Variants in TBC1D16 observed in about 807,000 individuals in gnomAD.
The protein encoded by TBC1D16 is TBC1 domain family member 16, also known as CTD-2529O21.1.
A neutral mutation model predicts 74.7 loss-of-function variants in TBC1D16; 58 were observed. The ratio of observed to expected loss-of-function variants is 0.78; its 90% CI spans 0.63 to 0.97. The LOEUF is 0.97. TBC1D16 is among the 50% of genes least tolerant of loss of function. The probability of loss-of-function intolerance (pLI) is 0.00; values close to 1 mark genes in which losing one functional copy is unlikely to be tolerated. For missense variants in TBC1D16, 1,014 were observed against 1,079.5 expected, an observed-to-expected ratio of 0.94 and a Z score of 0.85; for synonymous variants, 493 against 474.7, an observed-to-expected ratio of 1.04 and a Z score of -0.50.
At chr17:79,992,804 G>C (rs931903781) in intron 3 of TBC1D16, 1 of 152,336 alleles carries the variant, frequency 6.6e-6, no homozygotes, top group South Asian at 2.1e-4. Flanking sequence ...CCTACCTTGA[G>C]ACAGCTCTTT....
At position 79,975,729 on chromosome 17, in the gene TBC1D16, C is replaced by G. The variant is rs992208101; in HGVS notation, c.780-22911G>C. Among the ~76,000 whole-genome samples, 6 of 152,206 alleles carry G rather than the reference C, an allele frequency of 3.9e-5. No homozygotes were observed. The East Asian group carries it at 1.2e-3, about 29-fold the overall frequency. ...GGACCCCCAGCCAGCCCAAACCTGT[C>G]GCTGGCTGCCCACTAACGCTCCCAG... On this transcript the variant is annotated intron_variant, in intron 3 of 11. Coordinates refer to ENST00000310924, the MANE Select transcript of TBC1D16 (RefSeq NM_019020.4). This position sits in a 1 kb window ranked among gnomAD's most constrained non-coding sequence, Gnocchi z 4.5.
At position 79,942,091 on chromosome 17, in the gene TBC1D16, A is replaced by AT. The variant is rs748010890; in HGVS notation, c.2023dup (p.Met675AsnfsTer34). The AT allele has an allele frequency of 1.9e-6, 3 of 1,612,388 alleles. No individual in the cohort carries two copies. The South Asian group carries it at 3.3e-5, about 18-fold the overall frequency. ...GAGAACGAGCTCCCCGTTCATGTGCATGGCCAGGTTTCCGAAGTGCAGGAG... is the reference window on the plus strand; with the variant it reads ...GAGAACGAGCTCCCCGTTCATGTGCATTGGCCAGGTTTCCGAAGTGCAGGAG... On this transcript the variant is annotated frameshift_variant, in exon 11 of 12. Coordinates refer to ENST00000310924, the MANE Select transcript of TBC1D16 (RefSeq NM_019020.4). LOFTEE classifies it high-confidence loss of function.
intron 1 of TBC1D16, among the ~76,000 whole-genome samples, chr17:80,032,332 A>G (rs1157019686): frequency 6.6e-6 from 1 of 152,252 alleles, no homozygotes; most frequent in Admixed American, 6.5e-5. Context: ...ACAGAAGGGC[A>G]GGCCATTCCG....
chr17:79,934,701 A>G lies in TBC1D16; in HGVS notation c.*6158T>C, dbSNP rs2031474590. On this transcript the variant is annotated 3_prime_UTR_variant, in exon 12 of 12. Transcript: ENST00000310924. ...CTGCCCAGCCAGCCTTGGGAGGGGC[A>G]CCCCTGGGCATGTGGAGAGGAGGTG... 6.6e-6 allele frequency: 1 copy of G among 152,304 alleles called. No homozygotes were observed. The highest frequency in any genetic ancestry group is 2.1e-4 in the South Asian group (1 of 4,820). 9.4% of individuals were successfully genotyped at this position (152,304 alleles called of 1,614,324 possible).
chr17:79,940,374 G>A lies in TBC1D16; in HGVS notation c.*485C>T, dbSNP rs1250105644. 6.5e-6 allele frequency: 1 copy of A among 153,042 alleles called. No homozygotes were observed. Among genetic ancestry groups the A allele is most frequent in the African/African-American group, 2.4e-5 (1 of 41,468 alleles). The allele number at this position is 153,042 out of a possible 1,614,324, so 9.5% of individuals were successfully genotyped here. On this transcript the variant is annotated 3_prime_UTR_variant, in exon 12 of 12. Transcript: ENST00000310924. The surrounding 1 kb of genome is among the most constrained non-coding windows in gnomAD (Gnocchi z 5.4). ...TGTTTGGCTCACTCCGAGAGAACGA[G>A]GTCTCAAGAGGAAGTGTGTCTGGCT...
rs1327169508 is a variant in TBC1D16 at position 79,937,975 on chromosome 17, T to A, written c.*2884A>T. The A allele has an allele frequency of 1.3e-5, 2 of 152,248 alleles. No individual in the cohort carries two copies. Among genetic ancestry groups the A allele is most frequent in the East Asian group, 1.9e-4 (1 of 5,202 alleles). 9.4% of individuals were successfully genotyped at this position (152,248 alleles called of 1,614,324 possible). On this transcript the variant is annotated 3_prime_UTR_variant, in exon 12 of 12. Coordinates refer to ENST00000310924, the MANE Select transcript of TBC1D16 (RefSeq NM_019020.4). ...CAGCCAATAACATTAAGTGTCATTT[T>A]AAAAAATGGGTTAAATAAGCAGCAT...
chr17:80,003,604 T>C (rs1316185292), intron 3 of TBC1D16, among the ~76,000 whole-genome samples: 1 of 151,718 alleles, frequency 6.6e-6, no homozygotes, highest in Non-Finnish European at 1.5e-5. Flanking sequence ...CATTCTAAGC[T>C]TAATATAATC....
At position 79,985,275 on chromosome 17, in the gene TBC1D16, C is replaced by A. The variant is rs2034789837; in HGVS notation, c.779+24885G>T. On this transcript the variant is annotated intron_variant, in intron 3 of 11. Transcript: ENST00000310924. This position sits in a 1 kb window ranked among gnomAD's most constrained non-coding sequence, Gnocchi z 4.9. ...AAGACATCCGTTGGATTTAGGGCCA[C>A]CCTAATCCAGGAAGACCTCAACTGG... 6.6e-6 allele frequency among the ~76,000 whole-genome samples: 1 copy of A among 152,190 alleles called. No individual in the cohort carries two copies. Among genetic ancestry groups the A allele is most frequent in the South Asian group, 2.1e-4 (1 of 4,830 alleles).
chr17:80,011,428 C>G (rs1419820417), intron 2 of TBC1D16, among the ~76,000 whole-genome samples: 1 of 152,142 alleles, frequency 6.6e-6, no homozygotes, highest in Admixed American at 6.5e-5. Flanking sequence ...CACCTGCCTG[C>G]AGCCTCCCTG....
chr17:79,940,954 A>G lies in TBC1D16; in HGVS notation c.2209T>C (p.Tyr737His). 1.2e-6 allele frequency: 2 copies of G among 1,603,102 alleles called. No homozygotes were observed. The highest frequency in any genetic ancestry group is 1.7e-6 in the Non-Finnish European group (2 of 1,175,444). The stretch of plus-strand genomic sequence containing the variant: ...GAAGGCATCTCCACCGTGCCCCCGT[A>G]GGGACAGCTCTCCGAGCCGGGATGG... ...GHHPGSESCP[Y>H]GGTVEMPSPK... The change falls in exon 12 of 12, where the codon TAC becomes CAC. Residue 737 changes from tyrosine (Y) to histidine (H), a missense_variant. Coordinates refer to ENST00000310924, the MANE Select transcript of TBC1D16 (RefSeq NM_019020.4). This position sits in a 1 kb window ranked among gnomAD's most constrained non-coding sequence, Gnocchi z 5.4.
At position 79,952,346 on chromosome 17, in the gene TBC1D16, G is replaced by A. The variant is rs115866585; in HGVS notation, c.941+311C>T. ...AGAGCATCCCCCGGCGATCAGAGCC[G>A]CCGGCAGCTGCTACCCTCTGCCCTG... On this transcript the variant is annotated intron_variant, in intron 4 of 11. Coordinates refer to ENST00000310924, the MANE Select transcript of TBC1D16 (RefSeq NM_019020.4). Among the ~76,000 whole-genome samples the A allele has an allele frequency of 1.1e-3, 174 of 152,328 alleles. 2 individuals carry two copies. Among genetic ancestry groups the A allele is most frequent in the African/African-American group, 3.9e-3 (163 of 41,584 alleles).
At chr17:79,966,391 T>C (rs554737833) in intron 3 of TBC1D16, among the ~76,000 whole-genome samples, 2 of 152,282 alleles carry the variant, frequency 1.3e-5, no homozygotes, top group South Asian at 4.1e-4. Flanking sequence ...CCCCTTACCA[T>C]GCCCCCACTA....
At chr17:79,959,133 A>T (rs955285377) in intron 3 of TBC1D16, among the ~76,000 whole-genome samples, 2 of 152,270 alleles carry the variant, frequency 1.3e-5, no homozygotes, top group Admixed American at 1.3e-4. Flanking sequence ...TAAATAAAAC[A>T]TTAAATTTAT....
chr17:79,959,190 A>G (rs915615898), intron 3 of TBC1D16, among the ~76,000 whole-genome samples: 6 of 152,262 alleles, frequency 3.9e-5, no homozygotes, highest in Non-Finnish European at 8.8e-5. Context: ...TAAGCCTGAC[A>G]AAAGACATTC....
At position 79,941,902 on chromosome 17, in the gene TBC1D16, T is replaced by C. The variant is rs2032036021; in HGVS notation, c.2055+158A>G. ...GGCCTTAGTGGGGAGCCCCCAGTGC[T>C]ATGGGTGGGGGAGGGCACGTGCTGG... On this transcript the variant is annotated intron_variant, in intron 11 of 11. Coordinates refer to ENST00000310924, the MANE Select transcript of TBC1D16 (RefSeq NM_019020.4). This position sits in a 1 kb window ranked among gnomAD's most constrained non-coding sequence, Gnocchi z 4.3. Among the ~76,000 whole-genome samples, 1 of 149,456 alleles carries C rather than the reference T, an allele frequency of 6.7e-6. No individual in the cohort carries two copies. Among genetic ancestry groups the C allele is most frequent in the Non-Finnish European group, 1.5e-5 (1 of 67,666 alleles).
chr17:80,033,954 G>A (rs1227333120), intron 1 of TBC1D16, among the ~76,000 whole-genome samples: 4 of 152,182 alleles, frequency 2.6e-5, no homozygotes, highest in South Asian at 4.1e-4. Flanking sequence ...GTTGTACAAC[G>A]GTTTTCTGGA....
chr17:80,009,959 T>A lies in TBC1D16; in HGVS notation c.779+201A>T, dbSNP rs1326830277. Among the ~76,000 whole-genome samples, 1 of 152,014 alleles carries A rather than the reference T, an allele frequency of 6.6e-6. No homozygotes were observed. The highest frequency in any genetic ancestry group is 1.5e-5 in the Non-Finnish European group (1 of 67,980). On this transcript the variant is annotated intron_variant, in intron 3 of 11. Coordinates refer to ENST00000310924, the MANE Select transcript of TBC1D16 (RefSeq NM_019020.4). This position sits in a 1 kb window ranked among gnomAD's most constrained non-coding sequence, Gnocchi z 5.4. ...GACGCACCCTTCACAGTCCTCTCAGTGGGGTGTAAAGTGGGGACTCCCTGC... is the reference window on the plus strand; with the variant it reads ...GACGCACCCTTCACAGTCCTCTCAGAGGGGTGTAAAGTGGGGACTCCCTGC...
chr17:79,975,956 C>T lies in TBC1D16; in HGVS notation c.780-23138G>A, dbSNP rs2034314017. Among the ~76,000 whole-genome samples, 1 of 152,216 alleles carries T rather than the reference C, an allele frequency of 6.6e-6. No individual in the cohort carries two copies. Among genetic ancestry groups the T allele is most frequent in the Admixed American group, 6.5e-5 (1 of 15,284 alleles). ...TCCTGCACCCTCACAGCTTCTGCGGCTCCCCAGGCAACGGAGCCAGTCAGG... is the reference window on the plus strand; with the variant it reads ...TCCTGCACCCTCACAGCTTCTGCGGTTCCCCAGGCAACGGAGCCAGTCAGG... On this transcript the variant is annotated intron_variant, in intron 3 of 11. Coordinates refer to ENST00000310924, the MANE Select transcript of TBC1D16 (RefSeq NM_019020.4). The surrounding 1 kb of genome is among the most constrained non-coding windows in gnomAD (Gnocchi z 4.5).
In TBC1D16 at chr17:80,010,183, G is replaced by A. The variant is rs555304949; in HGVS notation, c.756C>T (p.Ser252=). ...ISAALAESRG[S]VFLESDSSPP... is the part of the protein sequence containing the mutation. ...ACCTGCTGTCACTTTCCAGAAACACGGAGCCGCGGCTCTCGGCCAGCGCCG... is the reference window on the plus strand; with the variant it reads ...ACCTGCTGTCACTTTCCAGAAACACAGAGCCGCGGCTCTCGGCCAGCGCCG... Residue 252 remains serine, a synonymous_variant, in exon 3 of 12, where the codon TCC becomes TCT. Transcript: ENST00000310924. This position sits in a 1 kb window ranked among gnomAD's most constrained non-coding sequence, Gnocchi z 8.8. 5 of 1,611,032 alleles carry A rather than the reference G, an allele frequency of 3.1e-6. No individual in the cohort carries two copies. Among genetic ancestry groups the A allele is most frequent in the Middle Eastern group, 1.7e-4 (1 of 6,000 alleles).
Sources: gnomAD v4.1 joint callset for allele counts (sites outside exome capture counted in the v4.1 genomes callset) on GRCh38, gnomAD v4.1.1 for gene constraint, Gnocchi (gnomAD v3.1) non-coding constraint, MANE v1.5 for transcripts, NCBI Gene and HGNC (gene_info 2026-07-23, HGNC 2026-07-21) for gene names.